STT3B: variants seen among roughly 807,000 people sequenced by gnomAD.
STT3B encodes the protein dolichyl-diphosphooligosaccharide--protein glycosyltransferase subunit STT3B.
STT3B carries 29 observed loss-of-function variants against 96.8 expected under a neutral mutation model. The ratio of observed to expected loss-of-function variants is 0.30; its 90% confidence interval spans 0.22 to 0.41. The LOEUF is 0.41. Ranked by LOEUF, STT3B falls within the 10% of genes least tolerant of loss-of-function variation. The probability of loss-of-function intolerance (pLI) is 1.00; values close to 1 mark genes in which losing one functional copy is unlikely to be tolerated. For synonymous variants in STT3B, 367 were observed against 360.0 expected (o/e 1.02, Z -0.22); for missense variants, 640 against 1,022.3 (o/e 0.63, Z 5.10).
chr3:31,576,395 G>T lies in STT3B; in HGVS notation c.315-1G>T. 6.4e-7 allele frequency: 1 copy of T among 1,551,544 alleles called. No individual in the cohort carries two copies. ...CATTTCTTTTTATCTCTTTTCTCTA[G>T]GTTTAACTATAGATCAACACATCAT... On this transcript the variant is annotated splice_acceptor_variant, in intron 1 of 15. Transcript: ENST00000295770. LOFTEE classifies it high-confidence loss of function.
chr3:31,600,854 C>T (rs550136906), intron 5 of STT3B, among the ~76,000 whole-genome samples: 1 of 152,134 alleles, frequency 6.6e-6, no homozygotes, highest in African/African-American at 2.4e-5. Context: ...GGATAATGTA[C>T]TAATAGACTG....
chr3:31,602,783 A>G (rs1280374630), intron 5 of STT3B, among the ~76,000 whole-genome samples: 3 of 150,788 alleles, frequency 2.0e-5, no homozygotes, highest in Admixed American at 6.7e-5. Context: ...GTATGTGTGT[A>G]TAAAGCTAAT....
intron 1 of STT3B, among the ~76,000 whole-genome samples, chr3:31,545,253 G>A (rs1697377053): frequency 6.6e-6 from 1 of 152,038 alleles, no homozygotes; most frequent in African/African-American, 2.4e-5. Context: ...TCATTAGAAA[G>A]GAAGATCTTT....
intron 1 of STT3B, among the ~76,000 whole-genome samples, chr3:31,535,288 A>G (rs1697059654): frequency 6.6e-6 from 1 of 151,922 alleles, no homozygotes; most frequent in African/African-American, 2.4e-5. Context: ...GAAAAGGCTC[A>G]ACAAGTAAAG....
chr3:31,601,999 C>G lies in STT3B; in HGVS notation c.877+1540C>G, dbSNP rs1479480213. Among the ~76,000 whole-genome samples the G allele has an allele frequency of 2.0e-5, 3 of 152,232 alleles. No individual in the cohort carries two copies. In the East Asian group the frequency reaches 5.8e-4, roughly 29 times the overall value. ...ATGAGCCAGCTGTAGTAGCTCACAC[C>G]TCTTATCCCAGCTACTCAGGAGGCT... On this transcript the variant is annotated intron_variant, in intron 5 of 15. Coordinates refer to ENST00000295770, the MANE Select transcript of STT3B (RefSeq NM_178862.3).
intron 5 of STT3B, among the ~76,000 whole-genome samples, chr3:31,601,184 A>T (rs1698919720): frequency 6.6e-6 from 1 of 152,240 alleles, no homozygotes; most frequent in Non-Finnish European, 1.5e-5. Context: ...ATGACCAAGC[A>T]GTTCCACTCC....
intron 15 of STT3B, among the ~76,000 whole-genome samples, chr3:31,633,554 A>G (rs1699704347): frequency 6.6e-6 from 1 of 152,158 alleles, no homozygotes. Context: ...TTGAATAAAG[A>G]ATAGGTTTGG....
chr3:31,625,181 G>T, intron 12 of STT3B, 96 bp downstream of exon 12: 1 of 1,074,498 alleles, frequency 9.3e-7, no homozygotes, highest in South Asian at 1.8e-5. Context: ...TGGGTGAAAA[G>T]TACTCTGCTG....
intron 1 of STT3B, among the ~76,000 whole-genome samples, chr3:31,559,323 T>A (rs531650324): frequency 1.4e-5 from 2 of 145,344 alleles, no homozygotes; most frequent in African/African-American, 2.6e-5. Flanking sequence ...TTTTTTTTTT[T>A]ATGTAGGTGT....
At chr3:31,552,757 G>A (rs1312970797) in intron 1 of STT3B, among the ~76,000 whole-genome samples, 2 of 152,068 alleles carry the variant, frequency 1.3e-5, no homozygotes, top group African/African-American at 4.8e-5. Flanking sequence ...GGACAGGTCC[G>A]TCCTGTTTGC....
At chr3:31,586,069 C>G (rs1358998321) in intron 3 of STT3B, among the ~76,000 whole-genome samples, 1 of 152,088 alleles carries the variant, frequency 6.6e-6, no homozygotes, top group African/African-American at 2.4e-5. Context: ...TGCATTCCCT[C>G]CACAAATACA....
intron 6 of STT3B, among the ~76,000 whole-genome samples, chr3:31,615,766 G>C (rs1333033664): frequency 6.6e-6 from 1 of 151,794 alleles, no homozygotes; most frequent in African/African-American, 2.4e-5. Context: ...CTAAATCTTT[G>C]ATAATACTTA....
intron 5 of STT3B, among the ~76,000 whole-genome samples, chr3:31,607,085 TGTATTTATCGA>T (rs1455052557): frequency 3.3e-5 from 5 of 152,104 alleles, no homozygotes; most frequent in Non-Finnish European, 5.9e-5. Flanking sequence ...TTGGGCTGGG[TGTATTTATCGA>T]GTGCCTGTAC....
rs551415828 is a variant in STT3B at position 31,533,423 on chromosome 3, C to T, written c.314+111C>T. 671 of 1,257,930 alleles carry T rather than the reference C, an allele frequency of 5.3e-4. No individual in the cohort carries two copies. In the African/African-American group the frequency reaches 8.6e-3, roughly 16 times the overall value. The allele number at this position is 1,257,930 out of a possible 1,614,324, so 77.9% of individuals were successfully genotyped here. On this transcript the variant is annotated intron_variant, in intron 1 of 15. Coordinates refer to ENST00000295770, the MANE Select transcript of STT3B (RefSeq NM_178862.3). ...GGCCCCGCGCCGCCGCGGAGCCCCG[C>T]TCGCGTCCTGGCTGAGGCCGGCGCG... is the stretch of plus-strand genomic sequence containing the variant.
At chr3:31,545,594 T>A (rs1697386454) in intron 1 of STT3B, among the ~76,000 whole-genome samples, 1 of 152,148 alleles carries the variant, frequency 6.6e-6, no homozygotes, top group Admixed American at 6.5e-5. Context: ...CATTACCAAT[T>A]TTACATCTGG....
chr3:31,630,818 A>C (rs1699640154), intron 14 of STT3B, among the ~76,000 whole-genome samples: 1 of 151,118 alleles, frequency 6.6e-6, no homozygotes, highest in Non-Finnish European at 1.5e-5. Flanking sequence ...TTTTTTTGAG[A>C]GGGAGTCTCG....
intron 14 of STT3B, 69 bp downstream of exon 14, chr3:31,629,480 A>G: frequency 6.5e-6 from 5 of 768,846 alleles, no homozygotes; most frequent in Non-Finnish European, 1.1e-5. Context: ...ATTTGCCTCT[A>G]GAAAACAGGA....
At position 31,636,087 on chromosome 3, in the gene STT3B, T is replaced by G; in HGVS notation, c.*23T>G. 1.3e-6 allele frequency: 2 copies of G among 1,552,846 alleles called. No individual in the cohort carries two copies. Among genetic ancestry groups the G allele is most frequent in the Non-Finnish European group, 1.8e-6 (2 of 1,141,932 alleles). On this transcript the variant is annotated 3_prime_UTR_variant, in exon 16 of 16. Coordinates refer to ENST00000295770, the MANE Select transcript of STT3B (RefSeq NM_178862.3). Reference sequence around the variant, plus strand: ...TAAATGCACTGTTCTGGTTCCTAACTTGAAGCAGTTGTCCTTGTGAGAACC... The same window carrying G: ...TAAATGCACTGTTCTGGTTCCTAACGTGAAGCAGTTGTCCTTGTGAGAACC...
At chr3:31,602,214 A>C (rs1322413492) in intron 5 of STT3B, among the ~76,000 whole-genome samples, 1 of 152,182 alleles carries the variant, frequency 6.6e-6, no homozygotes, top group Non-Finnish European at 1.5e-5. Flanking sequence ...GTACTGTTGA[A>C]ATACATACAC....
Sources: gnomAD v4.1 joint callset for allele counts (sites outside exome capture counted in the v4.1 genomes callset) on GRCh38, gnomAD v4.1.1 for gene constraint, MANE v1.5 for transcripts, NCBI Gene and HGNC (gene_info 2026-07-23, HGNC 2026-07-21) for gene names.